PACRG: variants seen among roughly 807,000 people sequenced by gnomAD.
PACRG encodes the protein parkin coregulated.
In PACRG, 29 loss-of-function variants were observed where a neutral mutation model predicts 29.7. The observed-to-expected ratio is 0.98, with a 90% CI of 0.73 to 1.33. The LOEUF is 1.33. PACRG is among the 40% of genes most tolerant of loss of function. The pLI, the probability that PACRG is intolerant of heterozygous loss-of-function variation, is 0.00. For synonymous variants in PACRG, 116 were observed against 118.7 expected (o/e 0.98, Z 0.15); for missense variants, 279 against 316.2 (o/e 0.88, Z 0.89).
chr6:163,017,852 CT>C (rs1806250222), intron 2 of PACRG, among the ~76,000 whole-genome samples: 1 of 151,904 alleles, frequency 6.6e-6, no homozygotes, highest in Admixed American at 6.6e-5. Context: ...GAGGGTTTTT[CT>C]TTTTTCACAT....
At chr6:163,295,916 G>T (rs565198600) in intron 4 of PACRG, among the ~76,000 whole-genome samples, 2 of 152,210 alleles carry the variant, frequency 1.3e-5, no homozygotes, top group Admixed American at 6.5e-5. Flanking sequence ...TTCCCACAGG[G>T]CCAATTCAGG....
At chr6:163,100,888 T>C (rs1236538060) in intron 4 of PACRG, 2 of 984,328 alleles carry the variant, frequency 2.0e-6, no homozygotes, top group Non-Finnish European at 2.4e-6. Context: ...CTGCTTTCTG[T>C]ATTATATTCT....
At chr6:163,034,978 G>A (rs751734680) in intron 2 of PACRG, among the ~76,000 whole-genome samples, 11 of 152,278 alleles carry the variant, frequency 7.2e-5, no homozygotes, top group South Asian at 4.1e-4. Context: ...CTAACAAGGC[G>A]TGGATTATTC....
At chr6:163,231,168 C>T (rs1235695674) in intron 4 of PACRG, among the ~76,000 whole-genome samples, 3 of 152,186 alleles carry the variant, frequency 2.0e-5, no homozygotes, top group Non-Finnish European at 4.4e-5. Flanking sequence ...ACGGGGGAGC[C>T]GTGGCTTGCT....
chr6:163,157,213 A>G (rs1254667642), intron 4 of PACRG, among the ~76,000 whole-genome samples: 2 of 152,196 alleles, frequency 1.3e-5, no homozygotes, highest in East Asian at 3.9e-4. Context: ...CGCGTCCAGT[A>G]GTGCCTACAT....
intron 4 of PACRG, among the ~76,000 whole-genome samples, chr6:163,215,644 G>C (rs1246855132): frequency 6.6e-6 from 1 of 152,168 alleles, no homozygotes; most frequent in Non-Finnish European, 1.5e-5. Context: ...ATCTGGGCTG[G>C]AAAGGTAGCC....
intron 4 of PACRG, among the ~76,000 whole-genome samples, chr6:163,234,490 GTGCCA>G (rs1191810506): frequency 6.6e-6 from 1 of 152,092 alleles, no homozygotes; most frequent in African/African-American, 2.4e-5. Flanking sequence ...GCAGATGCTG[GTGCCA>G]TGTTTCTTGT....
chr6:163,275,321 G>A (rs116777793), intron 4 of PACRG, among the ~76,000 whole-genome samples: 1,704 of 151,642 alleles, frequency 0.011, 35 homozygotes, highest in African/African-American at 0.039. Flanking sequence ...TCATTTCTAC[G>A]TTACCAAAGC....
intron 4 of PACRG, among the ~76,000 whole-genome samples, chr6:163,231,554 G>A (rs1267389049): frequency 1.3e-5 from 2 of 152,120 alleles, no homozygotes; most frequent in African/African-American, 4.8e-5. Flanking sequence ...AACTTTGCAG[G>A]TCTTCACAAC....
chr6:162,957,200 G>A (rs979641269), intron 2 of PACRG: 10 of 355,888 alleles, frequency 2.8e-5, no homozygotes, highest in Non-Finnish European at 4.9e-5. Context: ...TGGATGTGTG[G>A]GGCCCAGCTT....
chr6:163,157,725 A>C (rs146207577), intron 4 of PACRG, among the ~76,000 whole-genome samples: 2 of 152,220 alleles, frequency 1.3e-5, no homozygotes, highest in Admixed American at 1.3e-4. Context: ...CTACACCACT[A>C]GTGAATTAAA....
At chr6:163,001,623 C>G (rs550879680) in intron 2 of PACRG, among the ~76,000 whole-genome samples, 1 of 152,168 alleles carries the variant, frequency 6.6e-6, no homozygotes, top group African/African-American at 2.4e-5. Flanking sequence ...ACATGATATC[C>G]TTTCTCATTT....
intron 1 of PACRG, among the ~76,000 whole-genome samples, chr6:162,796,693 G>C (rs1403215641): frequency 4.7e-5 from 7 of 150,274 alleles, no homozygotes; most frequent in Non-Finnish European, 8.9e-5. Context: ...GCCTCCCAAT[G>C]ATAATAGATG....
chr6:163,117,437 G>A (rs1327125103), intron 4 of PACRG, among the ~76,000 whole-genome samples: 1 of 152,190 alleles, frequency 6.6e-6, no homozygotes, highest in Non-Finnish European at 1.5e-5. Context: ...CATGAAAGGA[G>A]TGGAGGTTTT....
intron 2 of PACRG, among the ~76,000 whole-genome samples, chr6:163,050,004 G>C (rs918773725): frequency 6.6e-6 from 1 of 151,632 alleles, no homozygotes; most frequent in African/African-American, 2.4e-5. Context: ...ATTATATTTT[G>C]AGTGTTCACT....
intron 1 of PACRG, among the ~76,000 whole-genome samples, chr6:162,775,858 C>T (rs188627329): frequency 1.3e-5 from 2 of 152,144 alleles, no homozygotes; most frequent in Admixed American, 6.5e-5. Context: ...TCATTTTAAA[C>T]GATGAGGAAA....
chr6:163,196,919 CTAGACAGA>C (rs985598670), intron 4 of PACRG, among the ~76,000 whole-genome samples: 1 of 126,338 alleles, frequency 7.9e-6, no homozygotes, highest in Non-Finnish European at 1.6e-5. Flanking sequence ...GACAGACAGA[CTAGACAGA>C]TAGATAGATA....
chr6:163,035,832 A>AC (rs1467591333), intron 2 of PACRG, among the ~76,000 whole-genome samples: 4 of 151,326 alleles, frequency 2.6e-5, no homozygotes, highest in South Asian at 2.1e-4. Flanking sequence ...AAAAAAAAAA[A>AC]AACAAAGAAT....
intron 4 of PACRG, among the ~76,000 whole-genome samples, chr6:163,306,507 A>G (rs1417295469): frequency 6.6e-6 from 1 of 152,220 alleles, no homozygotes; most frequent in East Asian, 1.9e-4. Flanking sequence ...TGACCAAATC[A>G]TTGTCAATTG....
Sources: gnomAD v4.1 joint callset for allele counts (sites outside exome capture counted in the v4.1 genomes callset) on GRCh38, gnomAD v4.1.1 for gene constraint, MANE v1.5 for transcripts, NCBI Gene and HGNC (gene_info 2026-07-23, HGNC 2026-07-21) for gene names.